CNTN4: variants seen among roughly 807,000 people sequenced by gnomAD.
CNTN4 encodes contactin-4.
Under a neutral mutation model 122.5 loss-of-function variants are expected in CNTN4, and 77 were observed. That is an observed-to-expected ratio of 0.63 (90% confidence interval 0.52 to 0.76). CNTN4 has a LOEUF of 0.76. Among genes scored for constraint, CNTN4 ranks in the 30% least tolerant of loss-of-function variants. The pLI is 0.00. For synonymous variants in CNTN4, 512 were observed against 447.0 expected, an observed-to-expected ratio of 1.15 and a Z score of -1.83; for missense variants, 1,256 against 1,259.1, an observed-to-expected ratio of 1.00 and a Z score of 0.04.
chr3:2,302,059 C>G (rs919655144), intron 2 of CNTN4, among the ~76,000 whole-genome samples: 3 of 152,116 alleles, frequency 2.0e-5, no homozygotes, highest in Non-Finnish European at 1.5e-5. Context: ...GATCTTAAAC[C>G]CATTTATATT....
At chr3:2,693,922 G>C (rs539939996) in intron 4 of CNTN4, among the ~76,000 whole-genome samples, 2 of 152,210 alleles carry the variant, frequency 1.3e-5, no homozygotes, top group South Asian at 4.2e-4. Flanking sequence ...AGTGGCTCCT[G>C]TTTGCTGCTA....
At chr3:2,392,998 A>G (rs886573847) in intron 3 of CNTN4, among the ~76,000 whole-genome samples, 5 of 152,226 alleles carry the variant, frequency 3.3e-5, no homozygotes, top group African/African-American at 1.2e-4. Flanking sequence ...CTTAAACAAC[A>G]GAAATTTATC....
chr3:2,568,992 A>T (rs544279229), intron 3 of CNTN4, among the ~76,000 whole-genome samples: 83 of 152,294 alleles, frequency 5.4e-4, no homozygotes, highest in Non-Finnish European at 1.0e-3. Context: ...AATTATTAAT[A>T]CCCTGATCAT....
intron 3 of CNTN4, among the ~76,000 whole-genome samples, chr3:2,397,085 G>A (rs1408833790): frequency 4.6e-5 from 7 of 152,184 alleles, no homozygotes; most frequent in Admixed American, 1.3e-4. Flanking sequence ...AACAGGGCAT[G>A]TAAAAGACTG....
chr3:2,801,324 A>G (rs2092341068), intron 6 of CNTN4, among the ~76,000 whole-genome samples: 1 of 152,186 alleles, frequency 6.6e-6, no homozygotes, highest in Non-Finnish European at 1.5e-5. Context: ...GTTAGTTTTC[A>G]TTATTGAAAA....
At chr3:2,784,226 A>C (rs2091719460) in intron 6 of CNTN4, among the ~76,000 whole-genome samples, 1 of 152,202 alleles carries the variant, frequency 6.6e-6, no homozygotes, top group African/African-American at 2.4e-5. Flanking sequence ...GAATGGATAC[A>C]AGGCCAAAAG....
chr3:2,416,944 GC>G (rs1410524210), intron 3 of CNTN4, among the ~76,000 whole-genome samples: 4 of 152,080 alleles, frequency 2.6e-5, no homozygotes, highest in African/African-American at 9.7e-5. Context: ...GTGAGCCACC[GC>G]GCCCGGCCCA....
chr3:2,811,491 C>T (rs1244401459), intron 6 of CNTN4, among the ~76,000 whole-genome samples: 6 of 150,526 alleles, frequency 4.0e-5, no homozygotes, highest in Admixed American at 6.6e-5. Context: ...GGCAGAGTCT[C>T]GCTCTGTCGC....
intron 3 of CNTN4, among the ~76,000 whole-genome samples, chr3:2,407,905 T>C (rs1374291138): frequency 1.3e-5 from 2 of 152,218 alleles, no homozygotes; most frequent in Non-Finnish European, 2.9e-5. Context: ...GCCATACTCC[T>C]AATAATACAC....
chr3:2,457,574 G>A (rs797010278), intron 3 of CNTN4, among the ~76,000 whole-genome samples: 30 of 152,074 alleles, frequency 2.0e-4, no homozygotes, highest in African/African-American at 6.8e-4. Context: ...TCTGACAATG[G>A]TTGGGCGCAG....
At chr3:2,269,944 T>G (rs1168900333) in intron 2 of CNTN4, among the ~76,000 whole-genome samples, 1 of 35,436 alleles carries the variant, frequency 2.8e-5, no homozygotes. Flanking sequence ...ATTTATTTAT[T>G]TATTTATTTA....
intron 4 of CNTN4, among the ~76,000 whole-genome samples, chr3:2,649,109 G>C (rs987932979): frequency 1.3e-5 from 2 of 152,158 alleles, no homozygotes; most frequent in Non-Finnish European, 2.9e-5. Context: ...TGAGATTTAA[G>C]GAAAGAGATG....
At chr3:2,573,991 TG>T (rs1434796130) in intron 4 of CNTN4, among the ~76,000 whole-genome samples, 1 of 152,026 alleles carries the variant, frequency 6.6e-6, no homozygotes, top group Non-Finnish European at 1.5e-5. Context: ...CCGAGGTGGG[TG>T]GATAACCTGA....
intron 7 of CNTN4, among the ~76,000 whole-genome samples, chr3:2,860,999 G>T (rs1008444250): frequency 6.6e-5 from 10 of 152,134 alleles, no homozygotes; most frequent in East Asian, 3.9e-4. Flanking sequence ...GCAAAGGTCA[G>T]AGAAAGACAA....
intron 3 of CNTN4, among the ~76,000 whole-genome samples, chr3:2,526,162 G>C (rs1343351527): frequency 6.6e-6 from 1 of 152,006 alleles, no homozygotes; most frequent in Non-Finnish European, 1.5e-5. Flanking sequence ...CTATGACTCA[G>C]CTCCCAGGCC....
chr3:2,919,472 A>T (rs2094405495), intron 12 of CNTN4, among the ~76,000 whole-genome samples: 1 of 152,122 alleles, frequency 6.6e-6, no homozygotes, highest in African/African-American at 2.4e-5. Context: ...GGCCCAAGGG[A>T]TATACAGATC....
chr3:2,489,726 CTT>C (rs1415229453), intron 3 of CNTN4, among the ~76,000 whole-genome samples: 1 of 152,146 alleles, frequency 6.6e-6, no homozygotes, highest in Non-Finnish European at 1.5e-5. Context: ...GATGCTTCTG[CTT>C]AGAATAAGCC....
chr3:3,043,852 C>A (rs1700380660), intron 23 of CNTN4, 148 bp downstream of exon 23: 4 of 692,542 alleles, frequency 5.8e-6, no homozygotes, highest in Non-Finnish European at 1.1e-5. Flanking sequence ...ACGGTTTGAT[C>A]TGAGTTGTAT....
At chr3:2,748,132 C>G (rs1463093276) in intron 6 of CNTN4, among the ~76,000 whole-genome samples, 22 of 152,192 alleles carry the variant, frequency 1.4e-4, no homozygotes, top group Admixed American at 1.4e-3. Flanking sequence ...GCAAAGGACA[C>G]TGGGGACAGT....
Sources: gnomAD v4.1 joint callset for allele counts (sites outside exome capture counted in the v4.1 genomes callset) on GRCh38, gnomAD v4.1.1 for gene constraint, MANE v1.5 for transcripts, NCBI Gene and HGNC (gene_info 2026-07-23, HGNC 2026-07-21) for gene names.